TTLL11: variants seen among roughly 807,000 people sequenced by gnomAD.
The protein encoded by TTLL11 is tubulin polyglutamylase TTLL11.
Under a neutral mutation model 51.7 loss-of-function variants are expected in TTLL11, and 42 were observed. That is an observed-to-expected ratio of 0.81 (90% CI 0.64 to 1.05). The LOEUF (loss-of-function observed/expected upper bound fraction) is 1.05. Among genes scored for constraint, TTLL11 ranks in the 50% least tolerant of loss-of-function variants. The probability of loss-of-function intolerance (pLI) is 0.00; values close to 1 mark genes in which losing one functional copy is unlikely to be tolerated. For synonymous variants in TTLL11, 381 were observed against 383.5 expected (o/e 0.99, Z 0.08); for missense variants, 799 against 940.4 (o/e 0.85, Z 1.97).
chr9:121,891,923 T>C (rs1438861144), intron 6 of TTLL11, among the ~76,000 whole-genome samples: 1 of 149,586 alleles, frequency 6.7e-6, no homozygotes, highest in East Asian at 1.9e-4. Context: ...CGTGTGTGTA[T>C]ATATATGATG....
chr9:121,891,091 A>T (rs943146079), intron 6 of TTLL11, among the ~76,000 whole-genome samples: 1 of 151,754 alleles, frequency 6.6e-6, no homozygotes, highest in Non-Finnish European at 1.5e-5. Context: ...CCTGTTTTTA[A>T]CCCCTTTTGA....
chr9:121,864,222 A>G (rs1404684448), intron 7 of TTLL11, among the ~76,000 whole-genome samples: 1 of 152,216 alleles, frequency 6.6e-6, no homozygotes, highest in Admixed American at 6.5e-5. Context: ...TTGGACAGCA[A>G]TGAATTGCTG....
At chr9:121,825,209 A>C (rs1187582269) in intron 8 of TTLL11, among the ~76,000 whole-genome samples, 1 of 152,130 alleles carries the variant, frequency 6.6e-6, no homozygotes, top group African/African-American at 2.4e-5. Context: ...CCGTGCAAGT[A>C]TGTGCATCTG....
chr9:122,069,207 T>C (rs1482726851), intron 1 of TTLL11, among the ~76,000 whole-genome samples: 1 of 152,146 alleles, frequency 6.6e-6, no homozygotes, highest in Non-Finnish European at 1.5e-5. Context: ...TCAGGCACTG[T>C]TCTAAGGGGC....
intron 6 of TTLL11, among the ~76,000 whole-genome samples, chr9:121,937,231 C>A (rs950808224): frequency 2.6e-5 from 4 of 152,166 alleles, no homozygotes; most frequent in African/African-American, 9.7e-5. Flanking sequence ...ATAATGCCAG[C>A]TATTTTTGGT....
At chr9:121,994,417 A>G (rs183653316) in intron 3 of TTLL11, among the ~76,000 whole-genome samples, 2 of 152,340 alleles carry the variant, frequency 1.3e-5, no homozygotes, top group African/African-American at 4.8e-5. Context: ...CTGAGCACTT[A>G]TTATGGGTCA....
chr9:121,967,932 C>A (rs1422539085), intron 6 of TTLL11, among the ~76,000 whole-genome samples: 2 of 152,070 alleles, frequency 1.3e-5, no homozygotes, highest in African/African-American at 4.8e-5. Context: ...GATGAAATAT[C>A]CAGGATAGCT....
chr9:122,052,962 G>A (rs1207208573), intron 1 of TTLL11, among the ~76,000 whole-genome samples: 3 of 152,214 alleles, frequency 2.0e-5, no homozygotes, highest in African/African-American at 4.8e-5. Context: ...TGAATGGCCT[G>A]GCAGACAGTA....
chr9:122,013,575 C>A (rs542292768), intron 3 of TTLL11, among the ~76,000 whole-genome samples: 30 of 152,296 alleles, frequency 2.0e-4, no homozygotes, highest in African/African-American at 7.0e-4. Context: ...AGGAAGGATG[C>A]CTTGGCTTAG....
rs545572335 is a variant in TTLL11 at position 121,995,863 on chromosome 9, C to T, written c.694-6093G>A. Among the ~76,000 whole-genome samples the T allele has an allele frequency of 6.6e-6, 1 of 152,312 alleles. No homozygotes were observed. Among genetic ancestry groups the T allele is most frequent in the South Asian group, 2.1e-4 (1 of 4,826 alleles). On this transcript the variant is annotated intron_variant, in intron 3 of 8. Transcript: ENST00000321582. The surrounding 1 kb of genome is among the most constrained non-coding windows in gnomAD (Gnocchi z 4.4). Reference sequence around the variant, plus strand: ...ACTCAGACTCTAAACTCAGATGGCGCATACCTCGAACTGGAGCACAGGTAT... The same window carrying T: ...ACTCAGACTCTAAACTCAGATGGCGTATACCTCGAACTGGAGCACAGGTAT...
intron 3 of TTLL11, among the ~76,000 whole-genome samples, chr9:121,997,552 G>A (rs72765956): frequency 0.047 from 7,170 of 152,234 alleles, 199 homozygotes; most frequent in African/African-American, 0.088. Flanking sequence ...CATACTGGGT[G>A]TCTGCAAGCA....
chr9:121,911,959 C>T (rs954105473), intron 6 of TTLL11, among the ~76,000 whole-genome samples: 2 of 152,076 alleles, frequency 1.3e-5, no homozygotes, highest in African/African-American at 4.8e-5. Context: ...AAAGAATAAC[C>T]CTTTGAGGGA....
chr9:121,974,731 G>C (rs1404027817), intron 5 of TTLL11, among the ~76,000 whole-genome samples, 153 bp downstream of exon 5: 1 of 152,192 alleles, frequency 6.6e-6, no homozygotes, highest in Non-Finnish European at 1.5e-5. Context: ...AGTCTATGTT[G>C]AGAACTCAAC....
At chr9:121,851,122 A>T (rs891476754) in intron 8 of TTLL11, among the ~76,000 whole-genome samples, 3 of 152,242 alleles carry the variant, frequency 2.0e-5, no homozygotes, top group Non-Finnish European at 4.4e-5. Context: ...TTCCAACAAT[A>T]TGACTTTCTG....
chr9:122,090,103 A>G (rs1310309350), intron 1 of TTLL11, among the ~76,000 whole-genome samples: 1 of 151,988 alleles, frequency 6.6e-6, no homozygotes, highest in African/African-American at 2.4e-5. Context: ...TGACCAGTGC[A>G]ACAGTCTCAT....
intron 6 of TTLL11, among the ~76,000 whole-genome samples, chr9:121,900,960 A>C (rs1198422581): frequency 6.6e-6 from 1 of 151,988 alleles, no homozygotes; most frequent in Non-Finnish European, 1.5e-5. Context: ...AGGTGTATAG[A>C]GATGGGGTCT....
At chr9:122,067,842 C>T (rs1198812508) in intron 1 of TTLL11, among the ~76,000 whole-genome samples, 1 of 152,208 alleles carries the variant, frequency 6.6e-6, no homozygotes, top group African/African-American at 2.4e-5. Context: ...TACTTAATTT[C>T]CCACTTCTTA....
Position 121,937,847 on chromosome 9 carries a change from A to G in TTLL11, c.1481+36162T>C, listed in dbSNP as rs563217804. 2.0e-5 allele frequency among the ~76,000 whole-genome samples: 3 copies of G among 152,346 alleles called. No homozygotes were observed. In the South Asian group the frequency reaches 6.2e-4, roughly 32 times the overall value. On this transcript the variant is annotated intron_variant, in intron 6 of 8. Coordinates refer to ENST00000321582, the MANE Select transcript of TTLL11 (RefSeq NM_001139442.2). ...AGAACCAAAGAGAATATCTGGAAAT[A>G]AACCCAGTAAAGCATGAAAAATAAT...
intron 3 of TTLL11, among the ~76,000 whole-genome samples, chr9:122,021,471 A>C (rs1183727316): frequency 1.3e-5 from 2 of 152,148 alleles, no homozygotes; most frequent in Non-Finnish European, 2.9e-5. Context: ...AAACACCCCC[A>C]AAAAAGCAGA....
Sources: gnomAD v4.1 joint callset for allele counts (sites outside exome capture counted in the v4.1 genomes callset) on GRCh38, gnomAD v4.1.1 for gene constraint, Gnocchi (gnomAD v3.1) non-coding constraint, MANE v1.5 for transcripts, NCBI Gene and HGNC (gene_info 2026-07-23, HGNC 2026-07-21) for gene names.